CSMD1: variants seen among roughly 807,000 people sequenced by gnomAD.
CSMD1 encodes the protein CUB and Sushi multiple domains 1.
CSMD1 carries 213 observed loss-of-function variants against 417.5 expected under a neutral mutation model. That is an observed-to-expected ratio of 0.51 (90% confidence interval 0.46 to 0.57). CSMD1 has a LOEUF of 0.57. Ranked by LOEUF, CSMD1 falls within the 20% of genes least tolerant of loss-of-function variation. The pLI is 0.00. For missense variants in CSMD1, 6,923 were observed against 4,529.7 expected (o/e 1.53, Z -15.17); for synonymous variants, 2,862 against 1,736.8 (o/e 1.65, Z -16.11).
At chr8:4,148,714 C>T (rs1005352740) in intron 3 of CSMD1, among the ~76,000 whole-genome samples, 1 of 152,076 alleles carries the variant, frequency 6.6e-6, no homozygotes, top group African/African-American at 2.4e-5. Flanking sequence ...ACAGCGAGGG[C>T]TCCACTCTCA....
At chr8:3,946,166 A>G (rs1008200314) in intron 5 of CSMD1, among the ~76,000 whole-genome samples, 2 of 152,144 alleles carry the variant, frequency 1.3e-5, no homozygotes, top group African/African-American at 4.8e-5. Context: ...CTTTGAAATA[A>G]GATTATTACA....
chr8:3,778,459 C>G (rs572453262), intron 5 of CSMD1, among the ~76,000 whole-genome samples: 2 of 152,238 alleles, frequency 1.3e-5, no homozygotes, highest in African/African-American at 4.8e-5. Flanking sequence ...AAGGTGCCCT[C>G]GCCTTACAAG....
intron 3 of CSMD1, among the ~76,000 whole-genome samples, chr8:4,255,000 C>T (rs544600255): frequency 2.4e-4 from 37 of 152,206 alleles, no homozygotes; most frequent in Non-Finnish European, 4.7e-4. Context: ...CAGAAGATCA[C>T]TCAGAGTTAT....
At chr8:4,462,525 T>G (rs886525609) in intron 2 of CSMD1, among the ~76,000 whole-genome samples, 1 of 152,178 alleles carries the variant, frequency 6.6e-6, no homozygotes. Context: ...TCAAAGGACT[T>G]AGAATACTCA....
At chr8:4,812,421 A>G (rs974773957) in intron 1 of CSMD1, among the ~76,000 whole-genome samples, 10 of 152,180 alleles carry the variant, frequency 6.6e-5, no homozygotes, top group Non-Finnish European at 1.2e-4. Context: ...GACTTTGTCA[A>G]TTTCTAAGTA....
intron 3 of CSMD1, among the ~76,000 whole-genome samples, chr8:4,380,651 G>C (rs1024095983): frequency 6.6e-6 from 1 of 152,134 alleles, no homozygotes; most frequent in Non-Finnish European, 1.5e-5. Flanking sequence ...GTCAATATCA[G>C]TTCATTAATT....
intron 5 of CSMD1, among the ~76,000 whole-genome samples, chr8:3,822,942 G>T (rs562016655): frequency 2.6e-5 from 4 of 152,240 alleles, no homozygotes; most frequent in South Asian, 4.2e-4. Context: ...TTCTATCCCT[G>T]GGCTAAGAAA....
At chr8:4,623,190 A>G (rs770088883) in intron 2 of CSMD1, among the ~76,000 whole-genome samples, 11 of 152,156 alleles carry the variant, frequency 7.2e-5, no homozygotes, top group Non-Finnish European at 1.6e-4. Context: ...ATATTTTAAC[A>G]GATACTTCAC....
intron 5 of CSMD1, among the ~76,000 whole-genome samples, chr8:3,950,424 G>C (rs555079993): frequency 2.0e-5 from 3 of 152,318 alleles, no homozygotes; most frequent in African/African-American, 4.8e-5. Context: ...AGTAGCAGAA[G>C]AGAGGTTCTT....
chr8:4,061,477 C>G (rs538456223), intron 3 of CSMD1, among the ~76,000 whole-genome samples: 3 of 152,072 alleles, frequency 2.0e-5, no homozygotes, highest in Non-Finnish European at 2.9e-5. Flanking sequence ...AAAGAGGTGG[C>G]AAAAGGAGTT....
intron 10 of CSMD1, among the ~76,000 whole-genome samples, chr8:3,504,437 G>C (rs964170076): frequency 6.6e-6 from 1 of 152,158 alleles, no homozygotes; most frequent in Non-Finnish European, 1.5e-5. Flanking sequence ...TGCAAGCAAG[G>C]TGTGTACTTC....
At chr8:3,447,380 A>AG (rs1815369317) in intron 12 of CSMD1, among the ~76,000 whole-genome samples, 2 of 152,116 alleles carry the variant, frequency 1.3e-5, no homozygotes, top group African/African-American at 4.8e-5. Context: ...TAAAAGAAGA[A>AG]AAAAAAAGAT....
At chr8:3,330,894 A>G (rs1034133908) in intron 23 of CSMD1, among the ~76,000 whole-genome samples, 3 of 152,232 alleles carry the variant, frequency 2.0e-5, no homozygotes, top group African/African-American at 7.2e-5. Context: ...TGAAAATGCT[A>G]AAATATTACT....
chr8:4,069,552 C>G (rs1799436060), intron 3 of CSMD1, among the ~76,000 whole-genome samples: 1 of 152,184 alleles, frequency 6.6e-6, no homozygotes. Context: ...CCCTCTCCGC[C>G]TCCCATTCAC....
chr8:3,206,481 T>G (rs1301379898), intron 30 of CSMD1, among the ~76,000 whole-genome samples: 1 of 20,732 alleles, frequency 4.8e-5, no homozygotes, highest in Admixed American at 4.9e-4. Flanking sequence ...TGTCTGTGCG[T>G]GTATGTGTGT....
intron 8 of CSMD1, among the ~76,000 whole-genome samples, chr8:3,603,604 A>T (rs1470198954): frequency 6.6e-6 from 1 of 152,184 alleles, no homozygotes; most frequent in African/African-American, 2.4e-5. Context: ...TCTTCCACTT[A>T]GGGACATGGA....
chr8:4,801,372 G>C (rs1014363404), intron 1 of CSMD1, among the ~76,000 whole-genome samples: 3 of 152,066 alleles, frequency 2.0e-5, no homozygotes, highest in South Asian at 2.1e-4. Context: ...ACCCAGTACT[G>C]AGCAGATTCA....
At chr8:3,230,252 A>C (rs749970331) in intron 26 of CSMD1, 21 bp from the exon 27 acceptor site, 1 of 1,543,892 alleles carries the variant, frequency 6.5e-7, no homozygotes. Context: ...AAGAGAAGGC[A>C]AGGTCACAGG....
At chr8:3,334,462 A>C (rs1466202174) in intron 23 of CSMD1, among the ~76,000 whole-genome samples, 1 of 152,078 alleles carries the variant, frequency 6.6e-6, no homozygotes, top group African/African-American at 2.4e-5. Flanking sequence ...TGTCATTTTT[A>C]TTTTCAAAGC....
Sources: allele counts gnomAD v4.1 joint callset (sites outside exome capture counted in the v4.1 genomes callset), GRCh38; gene constraint gnomAD v4.1.1; transcripts MANE v1.5; gene names NCBI Gene and HGNC (gene_info 2026-07-23, HGNC 2026-07-21).